ARPC4: variants seen among roughly 807,000 people sequenced by gnomAD.
The protein encoded by ARPC4 is actin related protein 2/3 complex subunit 4.
Under a neutral mutation model 22.8 loss-of-function variants are expected in ARPC4, and 3 were observed. The ratio of observed to expected loss-of-function variants is 0.13; its 90% CI spans 0.06 to 0.34. ARPC4 has a LOEUF of 0.34. Ranked by LOEUF, ARPC4 falls within the 10% of genes least tolerant of loss-of-function variation. The pLI is 1.00. For synonymous variants in ARPC4, 80 were observed against 72.5 expected, an observed-to-expected ratio of 1.10 and a Z score of -0.52; for missense variants, 98 against 211.0, an observed-to-expected ratio of 0.46 and a Z score of 3.32.
chr3:9,804,166 T>G, intron 5 of ARPC4, 153 bp downstream of exon 5: 1 of 788,590 alleles, frequency 1.3e-6, no homozygotes, highest in South Asian at 2.2e-5. Context: ...AGTCAGGTGC[T>G]TTGGAGCTAG....
intron 1 of ARPC4, 159 bp downstream of exon 1, chr3:9,793,283 C>A: frequency 7.4e-7 from 1 of 1,360,396 alleles, no homozygotes; most frequent in Non-Finnish European, 9.7e-7. Flanking sequence ...GGGCGGGGGC[C>A]CGAGGTGAGG....
intron 2 of ARPC4, 104 bp downstream of exon 2, chr3:9,797,881 T>A: frequency 2.5e-6 from 3 of 1,193,428 alleles, no homozygotes; most frequent in Non-Finnish European, 2.3e-6. Context: ...TCAGGAAAGC[T>A]GCAGTTGACA....
rs1407692425 is a variant in ARPC4, at chr3:9,793,441, G to A, written c.3+317G>A. 3.3e-5 allele frequency among the ~76,000 whole-genome samples: 5 copies of A among 152,310 alleles called. No homozygotes were observed. The East Asian group carries it at 9.6e-4, about 29-fold the overall frequency. On this transcript the variant is annotated intron_variant, in intron 1 of 5. Coordinates refer to ENST00000397261, the MANE Select transcript of ARPC4 (RefSeq NM_005718.5). ...CTTTGGAGCATTTCGAGGGTACGTA[G>A]TCGGCCTCTTAGCCTCTGAGGCATG...
At chr3:9,805,165 C>T (rs765872135) in intron 5 of ARPC4, among the ~76,000 whole-genome samples, 1 of 152,176 alleles carries the variant, frequency 6.6e-6, no homozygotes, top group Admixed American at 6.5e-5. Context: ...ATATTTGGCT[C>T]ACTCACTCAA....
At chr3:9,797,908 G>A (rs1665908651) in intron 2 of ARPC4, 131 bp downstream of exon 2, 14 of 964,946 alleles carry the variant, frequency 1.5e-5, no homozygotes, top group Non-Finnish European at 2.1e-5. Context: ...CTTGCTGCCA[G>A]CTGAATGGTG....
chr3:9,806,121 G>A, intron 5 of ARPC4, 89 bp from the exon 6 acceptor site: 1 of 1,434,362 alleles, frequency 7.0e-7, no homozygotes, highest in East Asian at 2.3e-5. Context: ...GAGCACAGTG[G>A]CAGCTCTCAG....
At chr3:9,793,725 C>A (rs958596981) in intron 1 of ARPC4, among the ~76,000 whole-genome samples, 1 of 151,676 alleles carries the variant, frequency 6.6e-6, no homozygotes, top group Non-Finnish European at 1.5e-5. Context: ...TCCTGGAAGT[C>A]CTCCCTTTTT....
At chr3:9,799,334 A>G (rs1244616973) in intron 2 of ARPC4, among the ~76,000 whole-genome samples, 1 of 152,166 alleles carries the variant, frequency 6.6e-6, no homozygotes, top group Non-Finnish European at 1.5e-5. Context: ...AGTATTTCAG[A>G]TTGTGGAATA....
At position 9,802,233 on chromosome 3, in the gene ARPC4, G is replaced by A. The variant is rs567070867; in HGVS notation, c.330+477G>A. ...AGCCTGGGCGACAGAGCAAGACTCC[G>A]TCTCAAAAAAAAAAAAAAAAAAAAA... On this transcript the variant is annotated intron_variant, in intron 4 of 5. Coordinates refer to ENST00000397261, the MANE Select transcript of ARPC4 (RefSeq NM_005718.5). Among the ~76,000 whole-genome samples, 337 of 58,214 alleles carry A rather than the reference G, an allele frequency of 5.8e-3. 2 individuals are homozygous for A. The highest frequency in any genetic ancestry group is 0.054 in the Middle Eastern group (3 of 56). The allele number at this position is 58,214 out of a possible 152,430, so 38.2% of individuals were successfully genotyped here.
chr3:9,798,962 C>T (rs534475576), intron 2 of ARPC4, among the ~76,000 whole-genome samples: 10 of 152,268 alleles, frequency 6.6e-5, no homozygotes, highest in South Asian at 4.1e-4. Flanking sequence ...TTAAATGATA[C>T]GATTTAATTT....
At chr3:9,802,127 T>G (rs534347776) in intron 4 of ARPC4, among the ~76,000 whole-genome samples, 2 of 147,530 alleles carry the variant, frequency 1.4e-5, no homozygotes, top group African/African-American at 5.0e-5. Flanking sequence ...TAATCCTAGC[T>G]ACTCAGGAGG....
At chr3:9,795,180 A>T (rs1199284025) in intron 1 of ARPC4, among the ~76,000 whole-genome samples, 1 of 151,978 alleles carries the variant, frequency 6.6e-6, no homozygotes, top group Non-Finnish European at 1.5e-5. Context: ...TTGTATTTTT[A>T]GTAGAGACGG....
chr3:9,805,066 G>A (rs1394365842), intron 5 of ARPC4, among the ~76,000 whole-genome samples: 2 of 152,170 alleles, frequency 1.3e-5, no homozygotes, highest in East Asian at 1.9e-4. Context: ...TAAGCTTTCC[G>A]TGTATTGCAC....
intron 1 of ARPC4, among the ~76,000 whole-genome samples, chr3:9,796,743 C>T (rs140442636): frequency 4.9e-4 from 74 of 152,188 alleles, no homozygotes; most frequent in East Asian, 2.9e-3. Flanking sequence ...AGATTGAGAC[C>T]ATCCTGGCTA....
intron 5 of ARPC4, among the ~76,000 whole-genome samples, chr3:9,805,298 AT>A (rs1312057805): frequency 1.3e-5 from 2 of 152,194 alleles, no homozygotes; most frequent in African/African-American, 2.4e-5. Flanking sequence ...CATGTTAGAG[AT>A]TAATAAACTG....
At chr3:9,803,680 C>T (rs1012528535) in intron 4 of ARPC4, 163 bp from the exon 5 acceptor site, 25 of 838,882 alleles carry the variant, frequency 3.0e-5, no homozygotes, top group South Asian at 2.5e-4. Flanking sequence ...CACCCTCCCC[C>T]AGAGCAGCTG....
Position 9,806,509 on chromosome 3 carries a change from T to A in ARPC4, c.*294T>A. ...TCTGTGCTTGTAGGATACTGTAACC[T>A]TTTTGTCTTTTTTTTTTTTTTTTTT... On this transcript the variant is annotated 3_prime_UTR_variant, in exon 6 of 6. Coordinates refer to ENST00000397261, the MANE Select transcript of ARPC4 (RefSeq NM_005718.5). 4 of 422,338 alleles carry A rather than the reference T, an allele frequency of 9.5e-6. No individual in the cohort carries two copies. Among genetic ancestry groups the A allele is most frequent in the Non-Finnish European group, 1.3e-5 (3 of 237,672 alleles). 26.2% of individuals were successfully genotyped at this position (422,338 alleles called of 1,614,324 possible). A position where few individuals can be genotyped will look rare whatever the true frequency, so the allele number is the denominator to read the frequency against.
At chr3:9,797,250 C>T (rs1461332217) in intron 1 of ARPC4, among the ~76,000 whole-genome samples, 1 of 152,292 alleles carries the variant, frequency 6.6e-6, no homozygotes, top group Non-Finnish European at 1.5e-5. Context: ...AGATCACTTT[C>T]TCAACCTTAG....
intron 2 of ARPC4, chr3:9,799,883 C>T (rs1211562101): frequency 5.7e-6 from 3 of 527,090 alleles, no homozygotes; most frequent in Admixed American, 2.2e-5. Context: ...TCTCAGTCCT[C>T]GCCAGTGAAT....
Sources: allele counts gnomAD v4.1 joint callset (sites outside exome capture counted in the v4.1 genomes callset), GRCh38; gene constraint gnomAD v4.1.1; transcripts MANE v1.5; gene names NCBI Gene and HGNC (gene_info 2026-07-23, HGNC 2026-07-21).